The following MOXD1 variants were observed in gnomAD, a reference collection of about 807,000 sequenced individuals.
MOXD1 encodes the protein monooxygenase DBH like 1, also known as DBH-like monooxygenase protein 1.
MOXD1 carries 62 observed loss-of-function variants against 66.6 expected under a neutral mutation model. The ratio of observed to expected loss-of-function variants is 0.93; its 90% CI spans 0.76 to 1.15. The LOEUF (loss-of-function observed/expected upper bound fraction) is 1.15. Among genes scored for constraint, MOXD1 ranks in the 50% most tolerant of loss-of-function variants. MOXD1 has a pLI of 0.00. For missense variants in MOXD1, 847 were observed against 754.6 expected (o/e 1.12, Z -1.44); for synonymous variants, 303 against 281.9 (o/e 1.07, Z -0.75).
At chr6:132,321,241 G>A (rs1349101172) in intron 8 of MOXD1, among the ~76,000 whole-genome samples, 2 of 149,732 alleles carry the variant, frequency 1.3e-5, no homozygotes, top group African/African-American at 5.0e-5. Context: ...TCCAGCCGGG[G>A]TGACAGAGTG....
chr6:132,368,613 T>C (rs1776195049), intron 4 of MOXD1, among the ~76,000 whole-genome samples: 1 of 152,074 alleles, frequency 6.6e-6, no homozygotes, highest in South Asian at 2.1e-4. Flanking sequence ...ATTTTAGTCA[T>C]TTTAGAGATT....
At chr6:132,317,359 G>C (rs1004908460) in intron 9 of MOXD1, among the ~76,000 whole-genome samples, 7 of 152,162 alleles carry the variant, frequency 4.6e-5, no homozygotes, top group African/African-American at 1.7e-4. Flanking sequence ...TGCAAATGAA[G>C]TTGCATTTGA....
At chr6:132,317,455 C>T (rs1774984304) in intron 9 of MOXD1, among the ~76,000 whole-genome samples, 1 of 152,102 alleles carries the variant, frequency 6.6e-6, no homozygotes, top group Non-Finnish European at 1.5e-5. Context: ...AAAGCTGGGC[C>T]TTTGCAGCAT....
intron 1 of MOXD1, among the ~76,000 whole-genome samples, chr6:132,384,239 TCTCTTCCTTCCTTCC>T (rs1217026489): frequency 1.4e-5 from 1 of 73,242 alleles, no homozygotes; most frequent in African/African-American, 5.6e-5. Context: ...CCTCCCTCCC[TCTCTTCCTTCCTTCC>T]TTCCTTCCTT....
intron 10 of MOXD1, among the ~76,000 whole-genome samples, chr6:132,302,422 T>C (rs1403650000): frequency 6.6e-6 from 1 of 151,928 alleles, no homozygotes; most frequent in Non-Finnish European, 1.5e-5. Context: ...CAGTCAATAC[T>C]CCAAGATCTT....
chr6:132,324,072 C>T lies in MOXD1; in HGVS notation c.972G>A (p.Arg324=), dbSNP rs373260587. The change falls in exon 7 of 12, where the codon AGG becomes AGA. Residue 324 remains arginine, a synonymous_variant. Transcript: ENST00000367963. The part of the protein sequence containing the change: ...EEGLIDNSGL[R]LFYTMDIRKY... ...TCCTTATATCCATTGTGTAAAATAA[C>T]CTCAGTCCAGAATTATCTATTAAGC... The T allele has an allele frequency of 6.2e-7, 1 of 1,613,488 alleles. No homozygotes were observed. The highest frequency in any genetic ancestry group is 1.3e-5 in the African/African-American group (1 of 74,886).
intron 1 of MOXD1, chr6:132,391,765 A>G (rs1397772220): frequency 6.5e-6 from 1 of 153,946 alleles, no homozygotes; most frequent in East Asian, 1.9e-4. Context: ...GAAATATGCC[A>G]TTGGTTGCCT....
At chr6:132,299,593 G>A (rs902398483) in intron 10 of MOXD1, among the ~76,000 whole-genome samples, 1 of 152,126 alleles carries the variant, frequency 6.6e-6, no homozygotes, top group African/African-American at 2.4e-5. Context: ...AAAGTGAAGT[G>A]AAAAAGTGAA....
intron 4 of MOXD1, among the ~76,000 whole-genome samples, chr6:132,368,690 T>TAAA (rs1776196485): frequency 2.0e-5 from 3 of 152,076 alleles, no homozygotes; most frequent in Non-Finnish European, 4.4e-5. Context: ...ATTTTAAATG[T>TAAA]AATAAATATT....
At chr6:132,373,710 T>C (rs941053401) in intron 2 of MOXD1, among the ~76,000 whole-genome samples, 1 of 152,182 alleles carries the variant, frequency 6.6e-6, no homozygotes, top group Non-Finnish European at 1.5e-5. Flanking sequence ...TGCTGGGGTG[T>C]AAAGAAATTG....
chr6:132,338,347 T>C (rs1162569567), intron 4 of MOXD1, among the ~76,000 whole-genome samples: 2 of 152,172 alleles, frequency 1.3e-5, no homozygotes, highest in African/African-American at 4.8e-5. Flanking sequence ...CCTGGTTCTG[T>C]TCTAGGTTCC....
intron 10 of MOXD1, among the ~76,000 whole-genome samples, chr6:132,300,642 T>C (rs1407092727): frequency 1.3e-5 from 2 of 152,172 alleles, no homozygotes; most frequent in Admixed American, 6.6e-5. Context: ...TTTGCTGCTA[T>C]AATAATTTAC....
chr6:132,323,182 T>A (rs1421539021), intron 7 of MOXD1, among the ~76,000 whole-genome samples: 1 of 152,178 alleles, frequency 6.6e-6, no homozygotes, highest in East Asian at 1.9e-4. Flanking sequence ...TTCCAGTATG[T>A]TAGTAACCTG....
rs1158339059 is a variant in MOXD1, at chr6:132,303,835, GTATATATATA to G, written c.1509-5890_1509-5881del. Among the ~76,000 whole-genome samples the G allele has an allele frequency of 9.8e-3, 468 of 47,520 alleles. 2 individuals carry two copies. The highest frequency in any genetic ancestry group is 0.015 in the Non-Finnish European group (365 of 24,360). 31.2% of individuals were successfully genotyped at this position (47,520 alleles called of 152,430 possible). Reference sequence around the variant, plus strand: ...TGTGTGTGTGTGTGTGTGTGTGTGTGTATATATATATATATATATATATATATATATATAT... The same window carrying G: ...TGTGTGTGTGTGTGTGTGTGTGTGTGTATATATATATATATATATATATAT... On this transcript the variant is annotated intron_variant, in intron 10 of 11. Coordinates refer to ENST00000367963, the MANE Select transcript of MOXD1 (RefSeq NM_015529.4).
At chr6:132,347,865 T>C (rs1173509049) in intron 4 of MOXD1, among the ~76,000 whole-genome samples, 1 of 152,160 alleles carries the variant, frequency 6.6e-6, no homozygotes, top group African/African-American at 2.4e-5. Context: ...AGTGGATGAC[T>C]TTTTTAGTTC....
intron 10 of MOXD1, among the ~76,000 whole-genome samples, chr6:132,298,532 C>G (rs146399479): frequency 6.6e-6 from 1 of 152,238 alleles, no homozygotes; most frequent in African/African-American, 2.4e-5. Context: ...AGCCTGACCC[C>G]TGCTGGCTGA....
intron 10 of MOXD1, among the ~76,000 whole-genome samples, chr6:132,312,965 A>T (rs1774863777): frequency 6.6e-6 from 1 of 152,202 alleles, no homozygotes; most frequent in Non-Finnish European, 1.5e-5. Flanking sequence ...AGACTACTCA[A>T]GGCTAAGTAA....
chr6:132,349,482 C>CATATATATATATATATATATATATAT, intron 4 of MOXD1, among the ~76,000 whole-genome samples: 1 of 16,952 alleles, frequency 5.9e-5, no homozygotes, highest in East Asian at 4.0e-3. Context: ...TATATATATA[C>CATATATATATATATATATATATATAT]ATATATATAT....
At chr6:132,336,818 C>A (rs1020728663) in intron 4 of MOXD1, among the ~76,000 whole-genome samples, 1 of 152,172 alleles carries the variant, frequency 6.6e-6, no homozygotes, top group African/African-American at 2.4e-5. Flanking sequence ...ACTGTAATCC[C>A]GAATTCTCAT....
Sources: allele counts gnomAD v4.1 joint callset (sites outside exome capture counted in the v4.1 genomes callset), GRCh38; gene constraint gnomAD v4.1.1; transcripts MANE v1.5; gene names NCBI Gene and HGNC (gene_info 2026-07-23, HGNC 2026-07-21).